Variants in PLXNA4 observed in about 807,000 individuals in gnomAD.
PLXNA4 encodes plexin-A4.
PLXNA4 carries 44 observed loss-of-function variants against 191.8 expected under a neutral mutation model. The ratio of observed to expected loss-of-function variants is 0.23; its 90% CI spans 0.18 to 0.29. The LOEUF (loss-of-function observed/expected upper bound fraction) is 0.29. Ranked by LOEUF, PLXNA4 falls within the 10% of genes least tolerant of loss-of-function variation. The pLI is 1.00. For missense variants in PLXNA4, 1,800 were observed against 2,488.8 expected (o/e 0.72, Z 5.89); for synonymous variants, 1,082 against 1,009.5 (o/e 1.07, Z -1.36).
At chr7:132,597,674 C>T (rs977436892) in intron 2 of PLXNA4, among the ~76,000 whole-genome samples, 29 of 152,032 alleles carry the variant, frequency 1.9e-4, no homozygotes, top group Non-Finnish European at 2.6e-4. Context: ...GACTACAAAT[C>T]TGTTAAGGTT....
chr7:132,470,132 C>A (rs1256872280), intron 3 of PLXNA4, among the ~76,000 whole-genome samples: 3 of 152,154 alleles, frequency 2.0e-5, no homozygotes, highest in African/African-American at 7.2e-5. Flanking sequence ...GGGGAAGAAA[C>A]TCTGTATATA....
chr7:132,265,584 T>C (rs1392762426), intron 4 of PLXNA4, among the ~76,000 whole-genome samples: 1 of 152,144 alleles, frequency 6.6e-6, no homozygotes, highest in Admixed American at 6.5e-5. Flanking sequence ...GGGCAAAGAA[T>C]TGAGCATGCA....
intron 3 of PLXNA4, among the ~76,000 whole-genome samples, chr7:132,428,423 G>C (rs1261505216): frequency 1.3e-5 from 2 of 152,224 alleles, no homozygotes; most frequent in African/African-American, 2.4e-5. Flanking sequence ...CCGATGCCAG[G>C]AGGCGAGGAC....
chr7:132,488,330 C>A (rs1192573992), intron 3 of PLXNA4, among the ~76,000 whole-genome samples: 1 of 152,154 alleles, frequency 6.6e-6, no homozygotes, highest in African/African-American at 2.4e-5. Context: ...TCCTCTTGAC[C>A]ATCCAGAGCT....
At chr7:132,413,862 A>G (rs1020274279) in intron 3 of PLXNA4, among the ~76,000 whole-genome samples, 1 of 152,128 alleles carries the variant, frequency 6.6e-6, no homozygotes, top group African/African-American at 2.4e-5. Flanking sequence ...CATATCAACC[A>G]TCCAGTAAAC....
chr7:132,583,782 C>T (rs749286177), intron 2 of PLXNA4, among the ~76,000 whole-genome samples: 5 of 152,236 alleles, frequency 3.3e-5, no homozygotes, highest in East Asian at 3.9e-4. Context: ...TTTCTCCTAA[C>T]GCACGCCTGC....
chr7:132,230,630 G>C (rs770543279), intron 5 of PLXNA4, among the ~76,000 whole-genome samples: 4 of 152,128 alleles, frequency 2.6e-5, no homozygotes, highest in African/African-American at 9.7e-5. Flanking sequence ...GCTCCTCTGC[G>C]AGGACTCCAT....
intron 2 of PLXNA4, among the ~76,000 whole-genome samples, chr7:132,625,155 TA>T (rs1803345936): frequency 6.6e-6 from 1 of 152,162 alleles, no homozygotes; most frequent in African/African-American, 2.4e-5. Flanking sequence ...TGAAAGAACC[TA>T]AACCCTCCGA....
chr7:132,135,430 C>T (rs1191869440), intron 30 of PLXNA4, among the ~76,000 whole-genome samples: 2 of 152,188 alleles, frequency 1.3e-5, no homozygotes, highest in Non-Finnish European at 2.9e-5. Flanking sequence ...GAACCTTTCA[C>T]AGTAGGCAGG....
chr7:132,446,629 C>A (rs1437799393), intron 3 of PLXNA4, among the ~76,000 whole-genome samples: 1 of 152,174 alleles, frequency 6.6e-6, no homozygotes, highest in Non-Finnish European at 1.5e-5. Context: ...ATCTTTTAAA[C>A]AAGAACATAG....
Position 132,224,836 on chromosome 7 carries a change from G to C in PLXNA4, c.1983-1195C>G, listed in dbSNP as rs142825218. ...AGAGCTAAGCTCTAGACTCACAGCTGCCATAAGCAGATCAATAGACCCTAA... is the reference window on the plus strand; with the variant it reads ...AGAGCTAAGCTCTAGACTCACAGCTCCCATAAGCAGATCAATAGACCCTAA... On this transcript the variant is annotated intron_variant, in intron 8 of 31. Transcript: ENST00000321063. 2.6e-5 allele frequency among the ~76,000 whole-genome samples: 4 copies of C among 152,324 alleles called. No individual in the cohort carries two copies. The East Asian group carries it at 7.7e-4, about 29-fold the overall frequency.
At chr7:132,339,715 T>C (rs1164287550) in intron 3 of PLXNA4, among the ~76,000 whole-genome samples, 2 of 152,236 alleles carry the variant, frequency 1.3e-5, no homozygotes. Context: ...TGTTTAGGCC[T>C]GAATTTTCCA....
chr7:132,544,257 CA>C (rs1237460257), intron 1 of PLXNA4, among the ~76,000 whole-genome samples: 1 of 152,194 alleles, frequency 6.6e-6, no homozygotes, highest in Non-Finnish European at 1.5e-5. Context: ...CTCTCCAACC[CA>C]AAACCCTCCC....
chr7:132,564,043 T>C (rs1382762328), intron 1 of PLXNA4, among the ~76,000 whole-genome samples: 2 of 494 alleles, frequency 4.0e-3, no homozygotes, highest in African/African-American at 0.012. Flanking sequence ...TCTCCTCCTT[T>C]TCCTCCCCCT....
rs765339104 is a variant in PLXNA4, at chr7:132,174,864, C to T, written c.3931G>A (p.Gly1311Arg). The T allele has an allele frequency of 6.8e-6, 11 of 1,614,048 alleles. No individual in the cohort carries two copies. The highest frequency in any genetic ancestry group is 1.7e-5 in the Admixed American group (1 of 59,998). The change falls in exon 21 of 32, where the codon GGG becomes AGG. Residue 1311 changes from glycine to arginine, a missense_variant. Gly to Arg is a moderately radical substitution (Grantham distance 125, BLOSUM62 -2). This residue lies in a region of PLXNA4 where 1,397 missense variants were observed against 1,880.4 expected (regional missense o/e 0.74). Transcript: ENST00000321063. ...HELTSDLDGAGIPFLDYRTYT... is the reference protein window; with the variant it reads ...HELTSDLDGARIPFLDYRTYT... ...GTTCTATAGTCCAGGAACGGAATCCCGGCTCCATCCAGGTCACTGGTCAGC... is the reference window on the plus strand; with the variant it reads ...GTTCTATAGTCCAGGAACGGAATCCTGGCTCCATCCAGGTCACTGGTCAGC...
intron 3 of PLXNA4, among the ~76,000 whole-genome samples, chr7:132,346,987 C>T (rs578120676): frequency 6.6e-6 from 1 of 152,278 alleles, no homozygotes; most frequent in East Asian, 1.9e-4. Context: ...AAAACTGCAT[C>T]CCTTTGCTAA....
In PLXNA4 at chr7:132,566,801, T is replaced by A. The variant is rs78340626; in HGVS notation, c.-87+9621A>T. On this transcript the variant is annotated intron_variant, in intron 1 of 31. Coordinates refer to ENST00000321063, the MANE Select transcript of PLXNA4 (RefSeq NM_020911.2). Reference sequence around the variant, plus strand: ...ACCTGAAGGCAGATCACAAGGCCACTGTCGCTAAAGTTTTGTGAGAATTCG... The same window carrying A: ...ACCTGAAGGCAGATCACAAGGCCACAGTCGCTAAAGTTTTGTGAGAATTCG... Among the ~76,000 whole-genome samples, 897 of 152,316 alleles carry A rather than the reference T, an allele frequency of 5.9e-3. 7 individuals carry two copies. The highest frequency in any genetic ancestry group is 0.037 in the Middle Eastern group (11 of 294).
At chr7:132,205,575 AT>A (rs1450937998) in intron 10 of PLXNA4, among the ~76,000 whole-genome samples, 2 of 151,896 alleles carry the variant, frequency 1.3e-5, no homozygotes, top group Non-Finnish European at 2.9e-5. Flanking sequence ...GCCACATTCA[AT>A]TTCTTCCCAT....
intron 2 of PLXNA4, among the ~76,000 whole-genome samples, chr7:132,630,799 C>G (rs1803478603): frequency 6.6e-6 from 1 of 152,248 alleles, no homozygotes; most frequent in African/African-American, 2.4e-5. Context: ...GCGTGAGCCA[C>G]TGCGCCTGGC....
Sources: allele counts gnomAD v4.1 joint callset (sites outside exome capture counted in the v4.1 genomes callset), GRCh38; gene constraint gnomAD v4.1.1; regional missense constraint gnomAD v4.1.1; transcripts MANE v1.5; gene names NCBI Gene and HGNC (gene_info 2026-07-23, HGNC 2026-07-21).